Variants in SNRNP200 observed in about 807,000 individuals in gnomAD.
SNRNP200 encodes U5 small nuclear ribonucleoprotein 200 kDa helicase.
A neutral mutation model predicts 255.2 loss-of-function variants in SNRNP200; 66 were observed. The observed-to-expected ratio is 0.26, with a 90% CI of 0.21 to 0.32. SNRNP200 has a LOEUF of 0.32. SNRNP200 is among the 10% of genes least tolerant of loss of function. The pLI, the probability that SNRNP200 is intolerant of heterozygous loss-of-function variation, is 1.00. For synonymous variants in SNRNP200, 939 were observed against 1,027.8 expected (o/e 0.91, Z 1.65); for missense variants, 1,585 against 2,749.8 (o/e 0.58, Z 9.47).
In SNRNP200 at chr2:96,289,111, TCTC is replaced by T; in HGVS notation, c.3097_3099del (p.Glu1033del). The T allele has an allele frequency of 1.2e-6, 2 of 1,613,644 alleles. No homozygotes were observed. The highest frequency in any genetic ancestry group is 1.7e-6 in the Non-Finnish European group (2 of 1,179,864). ...TCCAGCAACTTCTGCAGCTCCAGCT[TCTC>T]CTCCTGCCACAAGGAGGAAAAGGTC... On this transcript the variant is annotated inframe_deletion, in exon 23 of 45. Transcript: ENST00000323853.
At chr2:96,276,717 G>GC in intron 43 of SNRNP200, 187 bp downstream of exon 43, 1 of 726,110 alleles carries the variant, frequency 1.4e-6, no homozygotes, top group Non-Finnish European at 2.5e-6. Flanking sequence ...ACTGCGCCCG[G>GC]CCCTAAACTG....
At chr2:96,300,117 T>G (rs1347726792) in intron 5 of SNRNP200, among the ~76,000 whole-genome samples, 2 of 152,192 alleles carry the variant, frequency 1.3e-5, no homozygotes, top group Non-Finnish European at 2.9e-5. Flanking sequence ...TCTTCCAGCC[T>G]TGGTATATAT....
chr2:96,290,921 C>CA lies in SNRNP200; in HGVS notation c.2422-107_2422-106insT. ...CCTCAGAGCTTCTCTCAGGACTAGCCGGTAGGGCGCGTGGGGTCCCAGTAC... is the reference window on the plus strand; with the variant it reads ...CCTCAGAGCTTCTCTCAGGACTAGCCAGGTAGGGCGCGTGGGGTCCCAGTAC... On this transcript the variant is annotated intron_variant, in intron 18 of 44. Coordinates refer to ENST00000323853, the MANE Select transcript of SNRNP200 (RefSeq NM_014014.5). The surrounding 1 kb of genome is among the most constrained non-coding windows in gnomAD (Gnocchi z 4.5). 17 of 1,366,654 alleles carry CA rather than the reference C, an allele frequency of 1.2e-5. No individual in the cohort carries two copies. Among genetic ancestry groups the CA allele is most frequent in the Non-Finnish European group, 1.8e-5 (17 of 969,040 alleles). The allele number at this position is 1,366,654 out of a possible 1,614,324, so 84.7% of individuals were successfully genotyped here. A position where few individuals can be genotyped will look rare whatever the true frequency, so the allele number is the denominator to read the frequency against.
intron 44 of SNRNP200, 32 bp downstream of exon 44, chr2:96,275,225 G>C: frequency 6.2e-7 from 1 of 1,613,950 alleles, no homozygotes; most frequent in Non-Finnish European, 8.5e-7. Context: ...CCCCATGCCA[G>C]AACAAATGCT....
At chr2:96,294,132 C>CAAA (rs149859993) in intron 14 of SNRNP200, among the ~76,000 whole-genome samples, 1 of 85,230 alleles carries the variant, frequency 1.2e-5, no homozygotes, top group Non-Finnish European at 2.3e-5. Context: ...TGCTCCATCT[C>CAAA]AAAAAAAAAA....
In SNRNP200 at chr2:96,289,370, G is replaced by C. The variant is rs769208303; in HGVS notation, c.2950C>G (p.Leu984Val). The C allele has an allele frequency of 1.7e-5, 27 of 1,613,998 alleles. No homozygotes were observed. Among genetic ancestry groups the C allele is most frequent in the Non-Finnish European group, 2.1e-5 (25 of 1,179,942 alleles). ...KKTGNFQVTE[L>V]GRIASHYYIT... ...TAGTAGTGGCTGGCTATACGGCCCA[G>C]TTCTGTCACCTGGAGAGAAGGTAGA... Residue 984 changes from leucine to valine, a missense_variant, in exon 22 of 45, where the codon CTG (leucine) becomes GTG (valine). Around this residue, in one of 9 missense-constraint regions of SNRNP200, gnomAD observed 719 missense variants for 1,091.1 expected, o/e 0.66. Transcript: ENST00000323853.
At chr2:96,303,106 A>G (rs1298489182) in intron 3 of SNRNP200, 53 bp downstream of exon 3, 3 of 1,578,538 alleles carry the variant, frequency 1.9e-6, no homozygotes, top group Non-Finnish European at 2.6e-6. Context: ...TAGAAGCTGT[A>G]TGCCAGAAAA....
chr2:96,283,129 C>A lies in SNRNP200; in HGVS notation c.4915+72G>T. On this transcript the variant is annotated intron_variant, in intron 34 of 44. Transcript: ENST00000323853. The surrounding 1 kb of genome is among the most constrained non-coding windows in gnomAD (Gnocchi z 4.7). ...TATGCTGTAGAGAAAACACTGCCAC[C>A]CGCACCCCTCAAGTTTAACACCACC... is the stretch of plus-strand genomic sequence containing the variant. 2 of 1,582,854 alleles carry A rather than the reference C, an allele frequency of 1.3e-6. No homozygotes were observed. Among genetic ancestry groups the A allele is most frequent in the Non-Finnish European group, 8.6e-7 (1 of 1,157,482 alleles).
rs775759568 is a variant in SNRNP200, at chr2:96,274,608, G to A, written c.*404C>T. 1.4e-4 allele frequency: 47 copies of A among 335,398 alleles called. No homozygotes were observed. The highest frequency in any genetic ancestry group is 2.1e-3 in the Middle Eastern group (2 of 936). 20.8% of individuals were successfully genotyped at this position (335,398 alleles called of 1,614,324 possible). A position where few individuals can be genotyped will look rare whatever the true frequency, so the allele number is the denominator to read the frequency against. On this transcript the variant is annotated 3_prime_UTR_variant, in exon 45 of 45. Transcript: ENST00000323853. ...AGGGGACAGCACACCTAATGAGCAG[G>A]TCTGTCCTCCAGACATACTCATTAA...
chr2:96,303,132 A>C, intron 3 of SNRNP200, 27 bp downstream of exon 3: 1 of 1,607,738 alleles, frequency 6.2e-7, no homozygotes, highest in Non-Finnish European at 8.5e-7. Context: ...TAAAGACCTA[A>C]TATATATTTC....
rs766230074 is a variant in SNRNP200 at position 96,283,179 on chromosome 2, C to T, written c.4915+22G>A. ...CACTTGGTGATACCCTTGCTATGCTCCCCTTCCGTGGCCTGACTTACCTGA... is the reference window on the plus strand; with the variant it reads ...CACTTGGTGATACCCTTGCTATGCTTCCCTTCCGTGGCCTGACTTACCTGA... On this transcript the variant is annotated intron_variant, in intron 34 of 44. Coordinates refer to ENST00000323853, the MANE Select transcript of SNRNP200 (RefSeq NM_014014.5). This position sits in a 1 kb window ranked among gnomAD's most constrained non-coding sequence, Gnocchi z 4.7. 1.9e-6 allele frequency: 3 copies of T among 1,613,440 alleles called. No individual in the cohort carries two copies. Among genetic ancestry groups the T allele is most frequent in the South Asian group, 1.1e-5 (1 of 91,082 alleles).
In SNRNP200 at chr2:96,291,262, C is replaced by T. The variant is rs1181126639; in HGVS notation, c.2421+130G>A. Reference sequence around the variant, plus strand: ...AAGGTTCTATTTATTGTGTCCACCACAACCCTCTGACCTGGGCTAGCTGGG... The same window carrying T: ...AAGGTTCTATTTATTGTGTCCACCATAACCCTCTGACCTGGGCTAGCTGGG... On this transcript the variant is annotated intron_variant, in intron 18 of 44. Coordinates refer to ENST00000323853, the MANE Select transcript of SNRNP200 (RefSeq NM_014014.5). The surrounding 1 kb of genome is among the most constrained non-coding windows in gnomAD (Gnocchi z 4.2). 1 of 769,060 alleles carries T rather than the reference C, an allele frequency of 1.3e-6. No homozygotes were observed. Among genetic ancestry groups the T allele is most frequent in the African/African-American group, 1.7e-5 (1 of 59,130 alleles). 47.6% of individuals were successfully genotyped at this position (769,060 alleles called of 1,614,324 possible). A position where few individuals can be genotyped will look rare whatever the true frequency, so the allele number is the denominator to read the frequency against.
At chr2:96,297,863 G>GAAC (rs2063928491) in intron 9 of SNRNP200, 143 bp from the exon 10 acceptor site, 1 of 865,094 alleles carries the variant, frequency 1.2e-6, no homozygotes, top group Non-Finnish European at 1.9e-6. Context: ...CTTTACATGG[G>GAAC]GACCACCAGA....
intron 9 of SNRNP200, 45 bp from the exon 10 acceptor site, chr2:96,297,765 T>TCATA: frequency 6.2e-7 from 1 of 1,605,398 alleles, no homozygotes; most frequent in Non-Finnish European, 8.5e-7. Context: ...TTCATCAGTA[T>TCATA]CATAGGTTCT....
In SNRNP200 at chr2:96,302,151, ATAC is replaced by A. The variant is rs145109506; in HGVS notation, c.382-438_382-436del. ...CTGGATCATATCTTGGCTCTGCCAA[ATAC>A]TACTTCTGTGACTCGGGAAAATTAC... On this transcript the variant is annotated intron_variant, in intron 3 of 44. Transcript: ENST00000323853. 6.3e-3 allele frequency among the ~76,000 whole-genome samples: 953 copies of A among 152,362 alleles called. 11 individuals carry two copies. Among genetic ancestry groups the A allele is most frequent in the African/African-American group, 0.022 (898 of 41,584 alleles).
chr2:96,293,194 G>A lies in SNRNP200; in HGVS notation c.2037-99C>T, dbSNP rs148273213. ...CCCAAGAGCAATATTCCTCCTTTAT[G>A]ATTCACACCACATCAAAACCCAAAG... On this transcript the variant is annotated intron_variant, in intron 15 of 44. Coordinates refer to ENST00000323853, the MANE Select transcript of SNRNP200 (RefSeq NM_014014.5). 1.2e-4 allele frequency: 188 copies of A among 1,576,666 alleles called. No individual in the cohort carries two copies. The African/African-American group carries it at 1.9e-3, about 16-fold the overall frequency.
Position 96,286,547 on chromosome 2 carries a change from C to T in SNRNP200, c.3830-63G>A. 6.2e-7 allele frequency: 1 copy of T among 1,603,662 alleles called. No individual in the cohort carries two copies. The highest frequency in any genetic ancestry group is 1.1e-5 in the South Asian group (1 of 90,610). ...CTCTTTCCCTCACTGGCCTCTAGAT[C>T]CCCTCCATGAACACTGGAAACCTAG... On this transcript the variant is annotated intron_variant, in intron 28 of 44. Transcript: ENST00000323853. The surrounding 1 kb of genome is among the most constrained non-coding windows in gnomAD (Gnocchi z 4.8).
In SNRNP200 at chr2:96,286,503, G is replaced by C. The variant is rs201894279; in HGVS notation, c.3830-19C>G. ...TCACAAGCTGCCAGAAAAGAAACAG[G>C]AAGGATATAAGCACTGCTCTCTTTC... On this transcript the variant is annotated intron_variant, in intron 28 of 44. Transcript: ENST00000323853. This position sits in a 1 kb window ranked among gnomAD's most constrained non-coding sequence, Gnocchi z 4.8. 5.6e-6 allele frequency: 9 copies of C among 1,613,716 alleles called. No individual in the cohort carries two copies. The highest frequency in any genetic ancestry group is 2.2e-5 in the South Asian group (2 of 91,034).
chr2:96,292,623 G>A (rs890696964), intron 16 of SNRNP200, among the ~76,000 whole-genome samples: 3 of 152,162 alleles, frequency 2.0e-5, no homozygotes, highest in African/African-American at 7.2e-5. Flanking sequence ...TCTGGGACTG[G>A]GGATTGCTTG....
Sources: allele counts gnomAD v4.1 joint callset (sites outside exome capture counted in the v4.1 genomes callset), GRCh38; gene constraint gnomAD v4.1.1; regional missense constraint gnomAD v4.1.1; non-coding constraint Gnocchi (gnomAD v3.1); transcripts MANE v1.5; gene names NCBI Gene and HGNC (gene_info 2026-07-23, HGNC 2026-07-21).